The following DNM3 variants were observed in gnomAD, a reference collection of about 807,000 sequenced individuals.
The protein encoded by DNM3 is dynamin-3.
A neutral mutation model predicts 101.6 loss-of-function variants in DNM3; 47 were observed. The ratio of observed to expected loss-of-function variants is 0.46; its 90% CI spans 0.37 to 0.59. The LOEUF is 0.59. Ranked by LOEUF, DNM3 falls within the 20% of genes least tolerant of loss-of-function variation. The pLI, the probability that DNM3 is intolerant of heterozygous loss-of-function variation, is 0.00. For missense variants in DNM3, 849 were observed against 1,085.7 expected (o/e 0.78, Z 3.06); for synonymous variants, 385 against 387.9 (o/e 0.99, Z 0.09).
intron 14 of DNM3, among the ~76,000 whole-genome samples, chr1:172,202,459 G>T (rs1360407529): frequency 3.3e-5 from 5 of 151,944 alleles, no homozygotes; most frequent in African/African-American, 1.2e-4. Context: ...CAAGGAATTG[G>T]TTAATCACGC....
chr1:171,878,263 T>C (rs2035956248), intron 1 of DNM3, among the ~76,000 whole-genome samples: 1 of 152,172 alleles, frequency 6.6e-6, no homozygotes, highest in African/African-American at 2.4e-5. Context: ...TTTTTCTCTA[T>C]AGATCATAAT....
chr1:172,225,148 T>TTC (rs2061060406), intron 14 of DNM3, among the ~76,000 whole-genome samples: 1 of 142,370 alleles, frequency 7.0e-6, no homozygotes, highest in Non-Finnish European at 1.5e-5. Flanking sequence ...TTTTTTTTTT[T>TTC]TTTTTTTTTT....
At chr1:172,328,877 G>A (rs1420690925) in intron 17 of DNM3, among the ~76,000 whole-genome samples, 2 of 151,856 alleles carry the variant, frequency 1.3e-5, no homozygotes, top group East Asian at 1.9e-4. Flanking sequence ...ACAGGGTCTC[G>A]CTAAGTTTCC....
At chr1:172,104,548 A>G (rs1402315688) in intron 13 of DNM3, among the ~76,000 whole-genome samples, 3 of 152,116 alleles carry the variant, frequency 2.0e-5, no homozygotes, top group Non-Finnish European at 2.9e-5. Context: ...GAATTTTGAT[A>G]TAATAATTAT....
intron 14 of DNM3, among the ~76,000 whole-genome samples, chr1:172,238,387 A>T (rs1282709210): frequency 1.3e-5 from 2 of 152,082 alleles, no homozygotes; most frequent in Non-Finnish European, 2.9e-5. Flanking sequence ...CACCCCTACT[A>T]ATTTGCTAGT....
intron 13 of DNM3, among the ~76,000 whole-genome samples, chr1:172,107,720 A>G (rs1461048899): frequency 6.6e-6 from 1 of 152,218 alleles, no homozygotes; most frequent in Non-Finnish European, 1.5e-5. Flanking sequence ...TATTTCCAAT[A>G]GTGCTCTTTT....
chr1:172,266,277 A>T (rs1376946942), intron 15 of DNM3, among the ~76,000 whole-genome samples: 1 of 152,176 alleles, frequency 6.6e-6, no homozygotes, highest in Non-Finnish European at 1.5e-5. Flanking sequence ...GTTTAAATGA[A>T]TATTCTGGGT....
intron 15 of DNM3, among the ~76,000 whole-genome samples, chr1:172,273,434 A>G (rs1276569408): frequency 6.6e-6 from 1 of 152,122 alleles, no homozygotes; most frequent in Non-Finnish European, 1.5e-5. Context: ...TTTGTAAATT[A>G]AAGCATTGCA....
chr1:172,289,475 T>C, intron 15 of DNM3: 1 of 794,214 alleles, frequency 1.3e-6, no homozygotes, highest in Non-Finnish European at 1.5e-6. Flanking sequence ...TAATTTTGTT[T>C]TCTCATCTTT....
intron 14 of DNM3, among the ~76,000 whole-genome samples, chr1:172,230,878 G>T (rs1316789705): frequency 6.6e-6 from 1 of 151,864 alleles, no homozygotes; most frequent in Non-Finnish European, 1.5e-5. Flanking sequence ...CATTTTCCTG[G>T]TTTTTCCCAT....
intron 14 of DNM3, among the ~76,000 whole-genome samples, chr1:172,252,451 A>G (rs1397763737): frequency 6.6e-6 from 1 of 152,164 alleles, no homozygotes; most frequent in Non-Finnish European, 1.5e-5. Flanking sequence ...GTAGGAACAA[A>G]AGGATTTATG....
intron 15 of DNM3, among the ~76,000 whole-genome samples, chr1:172,302,260 G>C (rs1305072791): frequency 1.3e-5 from 2 of 152,246 alleles, no homozygotes; most frequent in Admixed American, 6.5e-5. Context: ...ACGGAGCCTT[G>C]CTCACTGCTA....
At position 171,987,761 on chromosome 1, in the gene DNM3, G is replaced by A. The variant is rs538785687; in HGVS notation, c.341G>A (p.Gly114Asp). The A allele has an allele frequency of 1.2e-6, 2 of 1,600,960 alleles. No homozygotes were observed. The highest frequency in any genetic ancestry group is 2.2e-5 in the East Asian group (1 of 44,530). The change falls in exon 3 of 21, where the codon GGC (glycine) becomes GAC (aspartate). Residue 114 changes from glycine to aspartate, a missense_variant. Gly to Asp is a moderately conservative substitution (Grantham distance 94). This residue lies in a region of DNM3 where 388 missense variants were observed against 483.0 expected (regional missense o/e 0.80). Coordinates refer to ENST00000627582, the MANE Select transcript of DNM3 (RefSeq NM_015569.5). ...GATCGCGTGACTGGAATGAATAAAG[G>A]CATTTCCTCCATACCCATTAATTTA... ...ETDRVTGMNK[G>D]ISSIPINLRV...
At chr1:172,308,903 T>TACATACCATACCTACATACAA in intron 16 of DNM3, 64 bp downstream of exon 16, 1 of 930,654 alleles carries the variant, frequency 1.1e-6, no homozygotes, top group Non-Finnish European at 1.6e-6. Flanking sequence ...ATATTAATCC[T>TACATACCATACCTACATACAA]ACATACCATA....
At chr1:172,082,430 G>A (rs895342266) in intron 12 of DNM3, among the ~76,000 whole-genome samples, 2 of 150,702 alleles carry the variant, frequency 1.3e-5, no homozygotes, top group African/African-American at 2.4e-5. Context: ...TTTCATATAC[G>A]TTATCATGCA....
chr1:171,987,624 T>C, intron 2 of DNM3, 32 bp from the exon 3 acceptor site: 1 of 1,530,264 alleles, frequency 6.5e-7, no homozygotes, highest in Non-Finnish European at 8.8e-7. Context: ...TGCATGAATT[T>C]AAGTTGTGTC....
chr1:172,196,071 C>T (rs1476710195), intron 14 of DNM3, among the ~76,000 whole-genome samples: 18 of 151,748 alleles, frequency 1.2e-4, no homozygotes, highest in Non-Finnish European at 2.9e-5. Context: ...CCTCCACCCT[C>T]AAGTAGACCC....
At chr1:172,282,071 T>A (rs1326807203) in intron 15 of DNM3, among the ~76,000 whole-genome samples, 2 of 152,194 alleles carry the variant, frequency 1.3e-5, no homozygotes, top group African/African-American at 2.4e-5. Flanking sequence ...TAAAATACAT[T>A]AGCAAGATGA....
chr1:172,410,103 T>C lies in DNM3; in HGVS notation c.*2262T>C. On this transcript the variant is annotated 3_prime_UTR_variant, in exon 21 of 21. Coordinates refer to ENST00000627582, the MANE Select transcript of DNM3 (RefSeq NM_015569.5). ...TTTTGTTCTTTACTCCTAAGTTATT[T>C]CTCATAGAACCCAGCCTACTCTAGA... The C allele has an allele frequency of 9.1e-6, 9 of 985,426 alleles. No homozygotes were observed. The highest frequency in any genetic ancestry group is 9.6e-6 in the Non-Finnish European group (8 of 829,884). 61.0% of individuals were successfully genotyped at this position (985,426 alleles called of 1,614,324 possible). A position where few individuals can be genotyped will look rare whatever the true frequency, so the allele number is the denominator to read the frequency against.
Sources: allele counts gnomAD v4.1 joint callset (sites outside exome capture counted in the v4.1 genomes callset), GRCh38; gene constraint gnomAD v4.1.1; regional missense constraint gnomAD v4.1.1; transcripts MANE v1.5; gene names NCBI Gene and HGNC (gene_info 2026-07-23, HGNC 2026-07-21).